Variants in FARS2 observed in about 807,000 individuals in gnomAD.
FARS2 encodes the protein phenylalanyl-tRNA synthetase 2, mitochondrial.
A neutral mutation model predicts 46.4 loss-of-function variants in FARS2; 40 were observed. The ratio of observed to expected loss-of-function variants is 0.86; its 90% CI spans 0.67 to 1.12. The LOEUF (loss-of-function observed/expected upper bound fraction) is 1.12. Ranked by LOEUF, FARS2 falls within the 50% of genes most tolerant of loss-of-function variation. FARS2 has a pLI of 0.00. For missense variants in FARS2, 513 were observed against 567.9 expected (o/e 0.90, Z 0.98); for synonymous variants, 234 against 214.9 (o/e 1.09, Z -0.78).
Position 5,431,120 on chromosome 6 carries a change from A to C in FARS2, c.852A>C (p.Glu284Asp), listed in dbSNP as rs772624228. Residue 284 changes from glutamate (E) to aspartate (D), a missense_variant, in exon 4 of 7, where the codon GAA (glutamate) becomes GAC (aspartate). Physicochemically the swap from Glu to Asp is conservative, Grantham distance 45. Coordinates refer to ENST00000274680, the MANE Select transcript of FARS2 (RefSeq NM_006567.5). ...SFEMEINFHG[E>D]WLEVLGCGVM... ...AGATGGAGATCAACTTTCATGGAGAATGGCTGGAAGTTCTTGGCTGCGGGG... is the reference window on the plus strand; with the variant it reads ...AGATGGAGATCAACTTTCATGGAGACTGGCTGGAAGTTCTTGGCTGCGGGG... 6 of 1,613,826 alleles carry C rather than the reference A, an allele frequency of 3.7e-6. No individual in the cohort carries two copies. Among genetic ancestry groups the C allele is most frequent in the Non-Finnish European group, 5.1e-6 (6 of 1,179,870 alleles).
chr6:5,603,511 G>A (rs1774658055), intron 5 of FARS2, among the ~76,000 whole-genome samples: 1 of 152,236 alleles, frequency 6.6e-6, no homozygotes, highest in Admixed American at 6.5e-5. Flanking sequence ...AGTTCTGGAG[G>A]CTGGAAGTCT....
chr6:5,490,472 T>C (rs143349497), intron 4 of FARS2, among the ~76,000 whole-genome samples: 112 of 152,330 alleles, frequency 7.4e-4, no homozygotes, highest in Non-Finnish European at 1.2e-3. Flanking sequence ...ATATTGTTAA[T>C]AGTATTTTTT....
At chr6:5,728,548 CAT>C (rs1196215414) in intron 6 of FARS2, among the ~76,000 whole-genome samples, 1 of 152,188 alleles carries the variant, frequency 6.6e-6, no homozygotes, top group African/African-American at 2.4e-5. Context: ...AACACACTCA[CAT>C]GATTCTCTGC....
intron 6 of FARS2, among the ~76,000 whole-genome samples, chr6:5,647,713 G>A (rs1777147515): frequency 1.3e-5 from 2 of 152,346 alleles, no homozygotes; most frequent in South Asian, 4.1e-4. Context: ...ATAAAACGTG[G>A]TGATGGGGAA....
In FARS2 at chr6:5,612,944, T is replaced by C. The variant is rs17140986; in HGVS notation, c.1066-225T>C. Among the ~76,000 whole-genome samples, 1,895 of 152,280 alleles carry C rather than the reference T, an allele frequency of 0.012. 37 individuals are homozygous for C. Among genetic ancestry groups the C allele is most frequent in the African/African-American group, 0.042 (1,733 of 41,566 alleles). On this transcript the variant is annotated intron_variant, in intron 5 of 6. Transcript: ENST00000274680. ...ATGGCAATATAAATATAATATATGG[T>C]AATGTTACACATGAATGTGATAAGA...
intron 5 of FARS2, among the ~76,000 whole-genome samples, chr6:5,583,867 T>A (rs1773467918): frequency 6.6e-6 from 1 of 152,194 alleles, no homozygotes; most frequent in Non-Finnish European, 1.5e-5. Flanking sequence ...TGGGGAAGTC[T>A]GTTTTGCAAG....
intron 1 of FARS2, among the ~76,000 whole-genome samples, chr6:5,329,512 C>CT (rs1770644339): frequency 6.6e-6 from 1 of 152,174 alleles, no homozygotes; most frequent in Non-Finnish European, 1.5e-5. Flanking sequence ...TGGGCACCAA[C>CT]TGAGTGTTCT....
chr6:5,425,539 A>C (rs9378947), intron 3 of FARS2, among the ~76,000 whole-genome samples: 103,616 of 151,994 alleles, frequency 0.68, 35,694 homozygotes, highest in East Asian at 0.91. Context: ...CCGCCCTGCA[A>C]GTGTCCCTGG....
At chr6:5,708,642 C>T (rs1485504498) in intron 6 of FARS2, among the ~76,000 whole-genome samples, 1 of 151,596 alleles carries the variant, frequency 6.6e-6, no homozygotes, top group African/African-American at 2.4e-5. Flanking sequence ...AATCCTTCTA[C>T]ACCCCCACAC....
At chr6:5,437,534 G>A (rs1210585197) in intron 4 of FARS2, among the ~76,000 whole-genome samples, 2 of 151,962 alleles carry the variant, frequency 1.3e-5, no homozygotes, top group Non-Finnish European at 2.9e-5. Context: ...ATATTATTAG[G>A]TGCATATATT....
chr6:5,500,954 GAGAGAGAGA>G (rs1003591078), intron 4 of FARS2, among the ~76,000 whole-genome samples: 1 of 151,576 alleles, frequency 6.6e-6, no homozygotes, highest in African/African-American at 2.4e-5. Context: ...GAGAGAGAGA[GAGAGAGAGA>G]GAGAGAGATG....
chr6:5,586,617 T>C (rs1430633287), intron 5 of FARS2, among the ~76,000 whole-genome samples: 3 of 152,180 alleles, frequency 2.0e-5, no homozygotes, highest in Non-Finnish European at 4.4e-5. Context: ...GATTTTTGCA[T>C]CCATGTTCAT....
At chr6:5,446,877 A>G (rs1764215129) in intron 4 of FARS2, among the ~76,000 whole-genome samples, 1 of 152,080 alleles carries the variant, frequency 6.6e-6, no homozygotes, top group African/African-American at 2.4e-5. Context: ...TTGGCTACTC[A>G]TCTGCTGGTG....
chr6:5,453,337 A>G (rs1446491763), intron 4 of FARS2, among the ~76,000 whole-genome samples: 1 of 152,224 alleles, frequency 6.6e-6, no homozygotes, highest in African/African-American at 2.4e-5. Flanking sequence ...AAAAAAGCAT[A>G]GATTTGGATT....
intron 5 of FARS2, among the ~76,000 whole-genome samples, chr6:5,564,777 G>A (rs1772230150): frequency 6.6e-6 from 1 of 152,170 alleles, no homozygotes; most frequent in East Asian, 1.9e-4. Context: ...TAATACCTGT[G>A]TGTTTGGTGA....
chr6:5,477,968 C>T (rs1766221624), intron 4 of FARS2, among the ~76,000 whole-genome samples: 1 of 152,108 alleles, frequency 6.6e-6, no homozygotes, highest in African/African-American at 2.4e-5. Flanking sequence ...TGCAGTGAGC[C>T]ATGATTGCAC....
chr6:5,542,463 T>C (rs1182880346), intron 4 of FARS2, among the ~76,000 whole-genome samples: 1 of 152,218 alleles, frequency 6.6e-6, no homozygotes, highest in East Asian at 1.9e-4. Flanking sequence ...GCTAAGTGTC[T>C]GTTTAATTCA....
At chr6:5,556,845 T>A (rs1771690428) in intron 5 of FARS2, among the ~76,000 whole-genome samples, 1 of 152,108 alleles carries the variant, frequency 6.6e-6, no homozygotes, top group African/African-American at 2.4e-5. Context: ...AACTTTCTAT[T>A]TATAGATAGC....
chr6:5,678,520 T>C (rs1778877813), intron 6 of FARS2, among the ~76,000 whole-genome samples: 1 of 152,208 alleles, frequency 6.6e-6, no homozygotes. Flanking sequence ...ATAGTCTGCA[T>C]TGTCAGTGCT....
Sources: allele counts gnomAD v4.1 joint callset (sites outside exome capture counted in the v4.1 genomes callset), GRCh38; gene constraint gnomAD v4.1.1; transcripts MANE v1.5; gene names NCBI Gene and HGNC (gene_info 2026-07-23, HGNC 2026-07-21).